The following GCSAML variants were observed in gnomAD, a reference collection of about 807,000 sequenced individuals.
GCSAML encodes the protein germinal center-associated signaling and motility-like protein.
Under a neutral mutation model 13.0 loss-of-function variants are expected in GCSAML, and 9 were observed. The ratio of observed to expected loss-of-function variants is 0.69; its 90% CI spans 0.42 to 1.21. The LOEUF is 1.21. GCSAML is among the 50% of genes most tolerant of loss of function. The pLI is 0.00. For synonymous variants in GCSAML, 37 were observed against 52.9 expected (o/e 0.70, Z 1.31); for missense variants, 143 against 153.4 (o/e 0.93, Z 0.36).
At chr1:247,569,506 G>A (rs537899583) in intron 4 of GCSAML, among the ~76,000 whole-genome samples, 27 of 152,076 alleles carry the variant, frequency 1.8e-4, no homozygotes, top group Middle Eastern at 3.2e-3. Context: ...AATAGATTAC[G>A]TTTATTGATT....
chr1:247,531,434 T>G, intron 2 of GCSAML: 1 of 1,022,092 alleles, frequency 9.8e-7, no homozygotes, highest in East Asian at 2.4e-5. Flanking sequence ...CAGATTTCCA[T>G]CTACCTTGAG....
chr1:247,527,675 A>G lies in GCSAML; in HGVS notation c.-148+621A>G, dbSNP rs989695261. ...AAACAGTGATGTTTGGAAGCACATA[A>G]TGTATAGTGATCAGATAAGTGTGAT... On this transcript the variant is annotated intron_variant, in intron 2 of 5. Transcript: ENST00000366489. This position sits in a 1 kb window ranked among gnomAD's most constrained non-coding sequence, Gnocchi z 4.6. 3 of 152,430 alleles carry G rather than the reference A, an allele frequency of 2.0e-5. No individual in the cohort carries two copies. Among genetic ancestry groups the G allele is most frequent in the African/African-American group, 7.2e-5 (3 of 41,454 alleles). 9.4% of individuals were successfully genotyped at this position (152,430 alleles called of 1,614,324 possible).
chr1:247,510,285 T>C (rs1038148484), intron 1 of GCSAML, among the ~76,000 whole-genome samples: 22 of 152,332 alleles, frequency 1.4e-4, no homozygotes, highest in African/African-American at 4.8e-4. Context: ...CTGGTTTATT[T>C]GCATAGAGGT....
intron 1 of GCSAML, among the ~76,000 whole-genome samples, chr1:247,552,568 A>C (rs1667811819): frequency 6.6e-6 from 1 of 152,244 alleles, no homozygotes; most frequent in Non-Finnish European, 1.5e-5. Flanking sequence ...AGTGTCCATC[A>C]CATACCCTCT....
chr1:247,563,104 T>C (rs1479761697), intron 2 of GCSAML, among the ~76,000 whole-genome samples: 1 of 151,428 alleles, frequency 6.6e-6, no homozygotes, highest in Non-Finnish European at 1.5e-5. Flanking sequence ...CGCCTTGGCC[T>C]CCCAAAGTGC....
chr1:247,556,092 G>A (rs1469158937), intron 1 of GCSAML, among the ~76,000 whole-genome samples: 1 of 152,134 alleles, frequency 6.6e-6, no homozygotes, highest in Admixed American at 6.5e-5. Flanking sequence ...CTGTTGTTAA[G>A]GTCTTTATAG....
intron 1 of GCSAML, among the ~76,000 whole-genome samples, chr1:247,509,219 C>T (rs112258590): frequency 0.14 from 21,833 of 152,178 alleles, 1,677 homozygotes; most frequent in South Asian, 0.25. Context: ...AGAGGTCCTT[C>T]ACATCTCTTC....
intron 1 of GCSAML, among the ~76,000 whole-genome samples, chr1:247,517,736 G>C (rs2103305311): frequency 6.6e-6 from 1 of 152,290 alleles, no homozygotes; most frequent in Non-Finnish European, 1.5e-5. Context: ...CAGCAGGCAA[G>C]TGAGACTCGC....
At position 247,551,696 on chromosome 1, in the gene GCSAML, C is replaced by T. The variant is rs78765393; in HGVS notation, c.29+2476C>T. On this transcript the variant is annotated intron_variant, in intron 1 of 4. Transcript: ENST00000366488. ...GACAAAAGGCAAATTTATTGATCAT[C>T]GTTTTATGTGACACAGGAACCTCAG... is the stretch of plus-strand genomic sequence containing the variant. Among the ~76,000 whole-genome samples the T allele has an allele frequency of 7.9e-3, 1,200 of 152,274 alleles. 10 individuals are homozygous for T. The highest frequency in any genetic ancestry group is 0.028 in the African/African-American group (1,143 of 41,538).
intron 4 of GCSAML, among the ~76,000 whole-genome samples, chr1:247,572,469 A>G (rs1204786540): frequency 6.6e-6 from 1 of 152,096 alleles, no homozygotes; most frequent in Non-Finnish European, 1.5e-5. Flanking sequence ...CGTATTCTGC[A>G]GGTCTGCTGG....
At chr1:247,538,893 G>T in intron 2 of GCSAML, 1 of 356,006 alleles carries the variant, frequency 2.8e-6, no homozygotes, top group African/African-American at 2.1e-5. Context: ...AAGCTCCAGT[G>T]CAACACTTTA....
intron 4 of GCSAML, among the ~76,000 whole-genome samples, chr1:247,568,934 A>G (rs1308653706): frequency 6.6e-6 from 1 of 151,598 alleles, no homozygotes; most frequent in Admixed American, 6.6e-5. Context: ...TTCTCTTTGT[A>G]TTGTGAATAC....
Position 247,574,771 on chromosome 1 carries a change from G to C in GCSAML, c.*389G>C. 1 of 213,064 alleles carries C rather than the reference G, an allele frequency of 4.7e-6. No individual in the cohort carries two copies. Among genetic ancestry groups the C allele is most frequent in the Non-Finnish European group, 9.5e-6 (1 of 105,564 alleles). 13.2% of individuals were successfully genotyped at this position (213,064 alleles called of 1,614,324 possible). On this transcript the variant is annotated 3_prime_UTR_variant, in exon 5 of 5. Transcript: ENST00000366488. ...AAAGACTGAATTCTGGCCATGATAGGAAGGGAGGTGAGACACACCTTGTTA... is the reference window on the plus strand; with the variant it reads ...AAAGACTGAATTCTGGCCATGATAGCAAGGGAGGTGAGACACACCTTGTTA...
chr1:247,531,800 C>G (rs752637692), intron 2 of GCSAML: 2 of 1,614,180 alleles, frequency 1.2e-6, no homozygotes, highest in Non-Finnish European at 1.7e-6. Context: ...GTGTTGAATG[C>G]CTTTCTCCGC....
At chr1:247,516,679 T>A (rs946997583) in intron 1 of GCSAML, among the ~76,000 whole-genome samples, 3 of 151,510 alleles carry the variant, frequency 2.0e-5, no homozygotes, top group African/African-American at 7.3e-5. Context: ...AATGGACACA[T>A]CCTGTACGTG....
chr1:247,556,563 C>G (rs1374480689), intron 2 of GCSAML, 97 bp downstream of exon 2: 3 of 779,380 alleles, frequency 3.8e-6, no homozygotes, highest in Non-Finnish European at 6.3e-6. Context: ...AACTAACACC[C>G]CTTAGGGCCG....
intron 2 of GCSAML, chr1:247,532,519 TG>T (rs777178663): frequency 1.9e-6 from 3 of 1,609,808 alleles, no homozygotes; most frequent in Non-Finnish European, 2.5e-6. Flanking sequence ...CATTGTATGC[TG>T]GGGGTGGGGC....
At chr1:247,563,503 T>C in intron 2 of GCSAML, 87 bp from the exon 3 acceptor site, 1 of 727,864 alleles carries the variant, frequency 1.4e-6, no homozygotes, top group Non-Finnish European at 2.3e-6. Context: ...TGGCCTTAGG[T>C]TAAGGGCAAC....
chr1:247,517,842 T>A (rs1666266246), intron 1 of GCSAML, among the ~76,000 whole-genome samples: 1 of 152,120 alleles, frequency 6.6e-6, no homozygotes, highest in African/African-American at 2.4e-5. Flanking sequence ...CCTCTCTAAA[T>A]AGGCAAATGA....
Sources: gnomAD v4.1 joint callset for allele counts (sites outside exome capture counted in the v4.1 genomes callset) on GRCh38, gnomAD v4.1.1 for gene constraint, Gnocchi (gnomAD v3.1) non-coding constraint, MANE v1.5 for transcripts, NCBI Gene and HGNC (gene_info 2026-07-23, HGNC 2026-07-21) for gene names.